ANK1: variants seen among roughly 807,000 people sequenced by gnomAD.
ANK1 encodes ankyrin-1.
Under a neutral mutation model 210.4 loss-of-function variants are expected in ANK1, and 51 were observed. That is an observed-to-expected ratio of 0.24 (90% confidence interval 0.19 to 0.31). The LOEUF is 0.31. ANK1 is among the 10% of genes least tolerant of loss of function. The pLI is 1.00. For synonymous variants in ANK1, 967 were observed against 1,025.9 expected (o/e 0.94, Z 1.10); for missense variants, 2,051 against 2,504.4 (o/e 0.82, Z 3.86).
chr8:41,793,886 C>A (rs527824483), intron 1 of ANK1, among the ~76,000 whole-genome samples: 67 of 151,972 alleles, frequency 4.4e-4, no homozygotes, highest in African/African-American at 1.6e-3. Context: ...TAAATAGGAA[C>A]GTGTAAGAGA....
intron 9 of ANK1, among the ~76,000 whole-genome samples, chr8:41,720,841 C>G (rs1829058786): frequency 1.3e-5 from 2 of 152,016 alleles, no homozygotes; most frequent in Admixed American, 1.3e-4. Context: ...GGCAGCTACC[C>G]TAGGGGAACC....
At chr8:41,665,433 C>T (rs1035615900) in intron 39 of ANK1, 40 of 466,418 alleles carry the variant, frequency 8.6e-5, no homozygotes, top group Non-Finnish European at 1.1e-4. Context: ...TGCCTAACCC[C>T]GCCCTGCCCA....
chr8:41,727,733 G>A lies in ANK1; in HGVS notation c.327+175C>T, dbSNP rs778138653. 3.3e-5 allele frequency among the ~76,000 whole-genome samples: 5 copies of A among 152,170 alleles called. No individual in the cohort carries two copies. In the East Asian group the frequency reaches 5.8e-4, roughly 18 times the overall value. ...CTTAGGACACGCGGTCTATGCATGCGAAATAATAAAGGACACCTTCACCAC... is the reference window on the plus strand; with the variant it reads ...CTTAGGACACGCGGTCTATGCATGCAAAATAATAAAGGACACCTTCACCAC... On this transcript the variant is annotated intron_variant, in intron 4 of 42. Coordinates refer to ENST00000289734, the MANE Select transcript of ANK1 (RefSeq NM_000037.4).
intron 1 of ANK1, among the ~76,000 whole-genome samples, chr8:41,857,445 A>G (rs1399767092): frequency 1.3e-5 from 2 of 151,700 alleles, no homozygotes; most frequent in Admixed American, 1.3e-4. Context: ...TAAAATTACA[A>G]TTACAAAATT....
At chr8:41,865,856 C>T (rs765827812) in intron 1 of ANK1, among the ~76,000 whole-genome samples, 1 of 152,166 alleles carries the variant, frequency 6.6e-6, no homozygotes, top group African/African-American at 2.4e-5. Flanking sequence ...TCTCTCTCTC[C>T]CCTATCCCTG....
chr8:41,807,788 G>T (rs1367386541), intron 1 of ANK1, among the ~76,000 whole-genome samples: 1 of 152,164 alleles, frequency 6.6e-6, no homozygotes, highest in Non-Finnish European at 1.5e-5. Flanking sequence ...AAGAAAGCCA[G>T]ATCATGTCTC....
At chr8:41,856,874 C>CTTTTTTTTTTTT (rs35341809) in intron 1 of ANK1, among the ~76,000 whole-genome samples, 30 of 95,276 alleles carry the variant, frequency 3.1e-4, no homozygotes, top group African/African-American at 1.4e-3. Context: ...TAACAGCCCT[C>CTTTTTTTTTTTT]TTTTTTTTTT....
chr8:41,773,608 T>A (rs1843405898), intron 1 of ANK1, among the ~76,000 whole-genome samples: 1 of 152,188 alleles, frequency 6.6e-6, no homozygotes, highest in African/African-American at 2.4e-5. Context: ...GGTCTCTTTT[T>A]CAGAATTGAG....
chr8:41,715,862 G>A lies in ANK1; in HGVS notation c.1405-13C>T, dbSNP rs1366140834. The A allele has an allele frequency of 1.2e-6, 2 of 1,614,126 alleles. No homozygotes were observed. Among genetic ancestry groups the A allele is most frequent in the Non-Finnish European group, 1.7e-6 (2 of 1,180,004 alleles). On this transcript the variant is annotated splice_polypyrimidine_tract_variant and intron_variant, in intron 13 of 42. Transcript: ENST00000289734. ...GGGTCTGGTCATCCTGGACCCCGAA[G>A]GGAAAACAAAGAAGAAGAAACGCTA...
intron 1 of ANK1, among the ~76,000 whole-genome samples, chr8:41,796,250 G>A (rs986069552): frequency 6.6e-6 from 1 of 152,150 alleles, no homozygotes; most frequent in Non-Finnish European, 1.5e-5. Flanking sequence ...GCTTGAGGCT[G>A]TAACTTGATT....
At chr8:41,712,649 T>C (rs1166955431) in intron 16 of ANK1, among the ~76,000 whole-genome samples, 2 of 152,144 alleles carry the variant, frequency 1.3e-5, no homozygotes, top group Non-Finnish European at 2.9e-5. Flanking sequence ...TCTGCCCAAA[T>C]GTTCAAACAA....
At chr8:41,696,644 A>G in intron 25 of ANK1, 32 bp downstream of exon 25, 1 of 1,608,190 alleles carries the variant, frequency 6.2e-7, no homozygotes, top group Non-Finnish European at 8.5e-7. Flanking sequence ...AGATGGAGAC[A>G]GGAGTCCCCG....
At chr8:41,886,084 A>G (rs1818391264) in intron 1 of ANK1, among the ~76,000 whole-genome samples, 1 of 152,218 alleles carries the variant, frequency 6.6e-6, no homozygotes, top group Non-Finnish European at 1.5e-5. Flanking sequence ...GGGATTAAAG[A>G]GGAAAACTCC....
At chr8:41,722,188 A>G (rs1308126807) in intron 9 of ANK1, among the ~76,000 whole-genome samples, 2 of 152,224 alleles carry the variant, frequency 1.3e-5, no homozygotes, top group African/African-American at 4.8e-5. Context: ...CACACGGCAA[A>G]TCAGCCAAGG....
chr8:41,839,929 T>C (rs930795589), intron 1 of ANK1: 6 of 152,208 alleles, frequency 3.9e-5, no homozygotes, highest in Admixed American at 2.0e-4. Flanking sequence ...AAATGAAGCA[T>C]ACTCATGGAA....
intron 1 of ANK1, among the ~76,000 whole-genome samples, chr8:41,820,035 G>A (rs1443912998): frequency 1.3e-5 from 2 of 152,080 alleles, no homozygotes; most frequent in African/African-American, 2.4e-5. Flanking sequence ...AAAAGACACA[G>A]GCAGGAAAAC....
chr8:41,741,954 C>T (rs1003522661), intron 2 of ANK1, among the ~76,000 whole-genome samples: 29 of 152,206 alleles, frequency 1.9e-4, no homozygotes, highest in African/African-American at 6.8e-4. Context: ...CAAGCACACA[C>T]ACCTAGAGCT....
chr8:41,747,038 T>C (rs1836365162), intron 2 of ANK1, among the ~76,000 whole-genome samples: 1 of 152,002 alleles, frequency 6.6e-6, no homozygotes, highest in Non-Finnish European at 1.5e-5. Flanking sequence ...ATTCCATAAT[T>C]CCAAGAATAA....
chr8:41,758,140 G>A lies in ANK1; in HGVS notation c.28-3C>T. 1.2e-6 allele frequency: 2 copies of A among 1,613,462 alleles called. No homozygotes were observed. Among genetic ancestry groups the A allele is most frequent in the Non-Finnish European group, 1.7e-6 (2 of 1,179,886 alleles). Reference sequence around the variant, plus strand: ...AGAAAGCTGGTAGCAGCATCGGCCTGTGAGGAAAAACAACAGGCGGTGAGT... The same window carrying A: ...AGAAAGCTGGTAGCAGCATCGGCCTATGAGGAAAAACAACAGGCGGTGAGT... On this transcript the variant is annotated splice_polypyrimidine_tract_variant and splice_region_variant and intron_variant, in intron 1 of 42. Coordinates refer to ENST00000289734, the MANE Select transcript of ANK1 (RefSeq NM_000037.4).
Sources: allele counts gnomAD v4.1 joint callset (sites outside exome capture counted in the v4.1 genomes callset), GRCh38; gene constraint gnomAD v4.1.1; transcripts MANE v1.5; gene names NCBI Gene and HGNC (gene_info 2026-07-23, HGNC 2026-07-21).